IFT74: variants seen among roughly 807,000 people sequenced by gnomAD.
IFT74 encodes intraflagellar transport protein 74 homolog.
IFT74 carries 92 observed loss-of-function variants against 96.7 expected under a neutral mutation model. The observed-to-expected ratio is 0.95, with a 90% confidence interval of 0.80 to 1.13. IFT74 has a LOEUF of 1.13. Among genes scored for constraint, IFT74 ranks in the 50% most tolerant of loss-of-function variants. IFT74 has a pLI of 0.00. For synonymous variants in IFT74, 223 were observed against 213.2 expected, an observed-to-expected ratio of 1.05 and a Z score of -0.40; for missense variants, 811 against 698.2, an observed-to-expected ratio of 1.16 and a Z score of -1.82.
intron 8 of IFT74, chr9:26,994,887 C>T (rs1828063592): frequency 6.6e-6 from 1 of 152,484 alleles, no homozygotes; most frequent in African/African-American, 2.4e-5. Context: ...AGTGATCCTG[C>T]ATTATGGTGA....
In IFT74 at chr9:26,978,189, T is replaced by C. The variant is rs952647030; in HGVS notation, c.182T>C (p.Leu61Pro). 2 of 1,613,708 alleles carry C rather than the reference T, an allele frequency of 1.2e-6. No homozygotes were observed. The highest frequency in any genetic ancestry group is 1.7e-6 in the Non-Finnish European group (2 of 1,179,876). The change falls in exon 3 of 20, where the codon CTG (leucine) becomes CCG (proline). Residue 61 changes from leucine to proline, a missense_variant. Physicochemically the swap from Leu to Pro is moderately conservative, Grantham distance 98 (BLOSUM62 -3). Transcript: ENST00000380062. ...RGCPIGTGGV[L>P]SSQIKVAHRP... ...TGTCCCATAGGGACTGGTGGAGTTC[T>C]GTCTTCTCAAATCAAAGTTGCCCAT...
At chr9:27,052,507 CA>C (rs1187027414) in intron 16 of IFT74, among the ~76,000 whole-genome samples, 9,961 of 57,274 alleles carry the variant, frequency 0.17, 290 homozygotes, top group Middle Eastern at 0.27. Context: ...AAATCTATCT[CA>C]AAAAAAAAAA....
rs140775436 is a variant in IFT74 at position 27,039,728 on chromosome 9, C to A, written c.1055-5014C>A. 3.5e-3 allele frequency among the ~76,000 whole-genome samples: 532 copies of A among 151,982 alleles called. 5 individuals are homozygous for A. The highest frequency in any genetic ancestry group is 0.012 in the African/African-American group (510 of 41,426). Reference sequence around the variant, plus strand: ...TCTAGGGATGATTTAAAGTATGTAGCAGGAGGGTATATGTAGGTTATATGC... The same window carrying A: ...TCTAGGGATGATTTAAAGTATGTAGAAGGAGGGTATATGTAGGTTATATGC... On this transcript the variant is annotated intron_variant, in intron 13 of 19. Coordinates refer to ENST00000380062, the MANE Select transcript of IFT74 (RefSeq NM_025103.4).
rs952968410 is a variant in IFT74 at position 27,012,866 on chromosome 9, G to A, written c.789+898G>A. Among the ~76,000 whole-genome samples, 18 of 150,620 alleles carry A rather than the reference G, an allele frequency of 1.2e-4. No individual in the cohort carries two copies. The East Asian group carries it at 2.8e-3, about 23-fold the overall frequency. On this transcript the variant is annotated intron_variant, in intron 10 of 19. Transcript: ENST00000380062. ...AGAGTAGCTGGGACTACAGGCACCC[G>A]CCACCACACCCAGCTAATTTTTTTG... is the stretch of plus-strand genomic sequence containing the variant.
At chr9:27,029,287 C>T (rs1036769384) in intron 13 of IFT74, among the ~76,000 whole-genome samples, 183 bp downstream of exon 13, 2 of 151,558 alleles carry the variant, frequency 1.3e-5, no homozygotes, top group Non-Finnish European at 1.5e-5. Context: ...TTAAACTGAC[C>T]ACTTATGAGT....
intron 13 of IFT74, among the ~76,000 whole-genome samples, chr9:27,030,142 A>G (rs750213320): frequency 8.5e-5 from 13 of 152,216 alleles, no homozygotes; most frequent in Non-Finnish European, 1.6e-4. Context: ...CATTTTAATC[A>G]TAGTTTAACT....
intron 13 of IFT74, among the ~76,000 whole-genome samples, chr9:27,041,416 T>C (rs1333676209): frequency 6.6e-6 from 1 of 152,208 alleles, no homozygotes; most frequent in Non-Finnish European, 1.5e-5. Flanking sequence ...CAGTTTGATA[T>C]CCCAAAACCT....
intron 10 of IFT74, among the ~76,000 whole-genome samples, chr9:27,016,532 T>C (rs1438773663): frequency 1.3e-5 from 2 of 152,190 alleles, no homozygotes; most frequent in Non-Finnish European, 2.9e-5. Flanking sequence ...GGGAAAAATA[T>C]CTTCTCTCCA....
intron 14 of IFT74, 31 bp from the exon 15 acceptor site, chr9:27,047,243 A>C: frequency 1.6e-6 from 2 of 1,288,928 alleles, no homozygotes; most frequent in South Asian, 1.2e-5. Flanking sequence ...CTCTATCAGC[A>C]GTAATCTCTC....
intron 13 of IFT74, among the ~76,000 whole-genome samples, chr9:27,041,285 T>A (rs1819465651): frequency 6.6e-6 from 1 of 152,162 alleles, no homozygotes; most frequent in Admixed American, 6.5e-5. Flanking sequence ...TTTTCACGCA[T>A]CTGGTTACCA....
At chr9:26,961,832 A>G (rs1300174838) in intron 1 of IFT74, 117 bp from the exon 2 acceptor site, 3 of 1,042,146 alleles carry the variant, frequency 2.9e-6, no homozygotes, top group Admixed American at 4.2e-5. Context: ...GTAGTGGTAC[A>G]CAGAACGGCA....
rs117213780 is a variant in IFT74, at chr9:27,033,929, C to T, written c.1054+4825C>T. ...TAGCCATAAGTTTTTTAGTTTTTGT[C>T]AGTCAAGATAAGGTACACATCACTG... On this transcript the variant is annotated intron_variant, in intron 13 of 19. Transcript: ENST00000380062. Among the ~76,000 whole-genome samples, 530 of 152,176 alleles carry T rather than the reference C, an allele frequency of 3.5e-3. 2 individuals carry two copies. The highest frequency in any genetic ancestry group is 4.7e-3 in the Non-Finnish European group (320 of 67,998).
intron 1 of IFT74, among the ~76,000 whole-genome samples, chr9:26,961,085 T>G (rs969057495): frequency 1.1e-4 from 16 of 144,822 alleles, no homozygotes; most frequent in Admixed American, 5.5e-4. Context: ...TGAATCTTGT[T>G]TTTTTTTTTT....
chr9:26,948,514 G>T (rs993048448), intron 1 of IFT74, among the ~76,000 whole-genome samples: 1 of 122,386 alleles, frequency 8.2e-6, no homozygotes, highest in African/African-American at 3.2e-5. Context: ...TCTGCTGCCA[G>T]GCTGAGTGCA....
intron 8 of IFT74, among the ~76,000 whole-genome samples, chr9:27,002,236 A>G (rs1188543875): frequency 6.6e-6 from 1 of 152,198 alleles, no homozygotes; most frequent in Non-Finnish European, 1.5e-5. Flanking sequence ...GGTTCAAGTG[A>G]TTCTCATGCC....
chr9:26,962,048 G>T lies in IFT74; in HGVS notation c.81G>T (p.Gly27=), dbSNP rs892186414. Residue 27 remains glycine (G), a synonymous_variant, in exon 2 of 20, where the codon GGG becomes GGT. Coordinates refer to ENST00000380062, the MANE Select transcript of IFT74 (RefSeq NM_025103.4). ...GGTTAACAGGAAGGCCTCCTTCTGG[G>T]ATACGACCCCTATCAGGAAATATTC... The part of the protein sequence containing the change: ...GVGLTGRPPS[G]IRPLSGNIRV... The T allele has an allele frequency of 6.2e-7, 1 of 1,614,178 alleles. No homozygotes were observed. The highest frequency in any genetic ancestry group is 8.5e-7 in the Non-Finnish European group (1 of 1,180,030).
intron 8 of IFT74, among the ~76,000 whole-genome samples, chr9:26,997,240 C>A (rs1035191086): frequency 1.3e-5 from 2 of 151,510 alleles, no homozygotes; most frequent in African/African-American, 4.8e-5. Context: ...CTTAATTTTT[C>A]CCCCTGGTAA....
At chr9:26,977,609 C>T (rs193263205) in intron 2 of IFT74, among the ~76,000 whole-genome samples, 42 of 152,252 alleles carry the variant, frequency 2.8e-4, no homozygotes, top group African/African-American at 1.0e-3. Flanking sequence ...ATGGCTTAGC[C>T]TCTCAAGTAG....
chr9:26,949,481 C>T (rs550740839), intron 1 of IFT74, among the ~76,000 whole-genome samples: 3 of 152,286 alleles, frequency 2.0e-5, no homozygotes, highest in African/African-American at 7.2e-5. Context: ...CTTAGTCTTG[C>T]TTCCACCAAC....
Sources: allele counts gnomAD v4.1 joint callset (sites outside exome capture counted in the v4.1 genomes callset), GRCh38; gene constraint gnomAD v4.1.1; transcripts MANE v1.5; gene names NCBI Gene and HGNC (gene_info 2026-07-23, HGNC 2026-07-21).